ROR1: variants seen among roughly 807,000 people sequenced by gnomAD.
ROR1 encodes the protein inactive tyrosine-protein kinase transmembrane receptor ROR1.
In ROR1, 19 loss-of-function variants were observed where a neutral mutation model predicts 78.8. The ratio of observed to expected loss-of-function variants is 0.24; its 90% CI spans 0.17 to 0.35. The LOEUF (loss-of-function observed/expected upper bound fraction) is 0.35, where lower values mean the gene tolerates loss of function less well. Among genes scored for constraint, ROR1 ranks in the 10% least tolerant of loss-of-function variants. The pLI is 1.00. For synonymous variants in ROR1, 386 were observed against 433.6 expected, an observed-to-expected ratio of 0.89 and a Z score of 1.36; for missense variants, 917 against 1,177.8, an observed-to-expected ratio of 0.78 and a Z score of 3.24.
chr1:63,904,975 C>A (rs1335178920), intron 1 of ROR1, among the ~76,000 whole-genome samples: 4 of 152,124 alleles, frequency 2.6e-5, no homozygotes, highest in Admixed American at 2.6e-4. Context: ...GGATCGCACA[C>A]CCAGGCTGGT....
chr1:64,100,607 A>G (rs1647489650), intron 4 of ROR1, among the ~76,000 whole-genome samples: 1 of 152,222 alleles, frequency 6.6e-6, no homozygotes, highest in Non-Finnish European at 1.5e-5. Context: ...ATTTTGATAA[A>G]TACTCCAAGC....
intron 1 of ROR1, among the ~76,000 whole-genome samples, chr1:63,974,589 A>G (rs906346664): frequency 6.6e-6 from 1 of 151,950 alleles, no homozygotes; most frequent in Admixed American, 6.6e-5. Context: ...TAATGTGGAC[A>G]TTACTTGAAT....
intron 1 of ROR1, among the ~76,000 whole-genome samples, chr1:64,008,537 C>A (rs12060061): frequency 0.03 from 4,530 of 152,228 alleles, 254 homozygotes; most frequent in African/African-American, 0.1. Context: ...AGAAATCTCC[C>A]AACTGTTTTC....
intron 1 of ROR1, among the ~76,000 whole-genome samples, chr1:63,875,130 G>A (rs11208311): frequency 0.4 from 60,298 of 151,918 alleles, 13,149 homozygotes; most frequent in African/African-American, 0.57. Flanking sequence ...TTGACCCTAG[G>A]CAAGTTGTTT....
intron 2 of ROR1, among the ~76,000 whole-genome samples, chr1:64,018,167 AC>A (rs1013036043): frequency 2.0e-5 from 3 of 152,120 alleles, no homozygotes; most frequent in African/African-American, 7.2e-5. Flanking sequence ...CCCTGGGCCC[AC>A]AGCTTTGGTT....
At chr1:63,848,136 CTGT>C (rs1645092895) in intron 1 of ROR1, among the ~76,000 whole-genome samples, 1 of 152,190 alleles carries the variant, frequency 6.6e-6, no homozygotes, top group African/African-American at 2.4e-5. Context: ...TTGTCGCTCT[CTGT>C]TATTAATAAA....
chr1:63,988,565 A>G (rs1031152942), intron 1 of ROR1, among the ~76,000 whole-genome samples: 2 of 152,184 alleles, frequency 1.3e-5, no homozygotes, highest in African/African-American at 4.8e-5. Context: ...TGTAATCATT[A>G]CCACCATCCA....
At chr1:63,858,782 A>G (rs1645163272) in intron 1 of ROR1, among the ~76,000 whole-genome samples, 1 of 152,116 alleles carries the variant, frequency 6.6e-6, no homozygotes, top group African/African-American at 2.4e-5. Flanking sequence ...CCTATTGTTT[A>G]TGATACTTGT....
At chr1:63,779,753 G>A (rs1644639787) in intron 1 of ROR1, among the ~76,000 whole-genome samples, 1 of 152,122 alleles carries the variant, frequency 6.6e-6, no homozygotes, top group Non-Finnish European at 1.5e-5. Context: ...GCAGTGAAAC[G>A]TGGATTAATG....
At chr1:64,126,504 T>C (rs1450782751) in intron 4 of ROR1, among the ~76,000 whole-genome samples, 1 of 152,140 alleles carries the variant, frequency 6.6e-6, no homozygotes, top group East Asian at 1.9e-4. Flanking sequence ...TGGTGGGATA[T>C]TTTGAGAGCT....
intron 1 of ROR1, among the ~76,000 whole-genome samples, chr1:63,854,209 A>G (rs541462019): frequency 6.6e-6 from 1 of 152,334 alleles, no homozygotes; most frequent in Non-Finnish European, 1.5e-5. Flanking sequence ...ATATAAAAAT[A>G]TGTGACGTAT....
chr1:63,809,164 G>A (rs1644846151), intron 1 of ROR1, among the ~76,000 whole-genome samples: 1 of 152,198 alleles, frequency 6.6e-6, no homozygotes, highest in South Asian at 2.1e-4. Flanking sequence ...GGAAAAGGTA[G>A]TGTCAGGGCA....
At chr1:63,889,536 C>A (rs1395683737) in intron 1 of ROR1, among the ~76,000 whole-genome samples, 7 of 152,156 alleles carry the variant, frequency 4.6e-5, no homozygotes, top group Admixed American at 4.6e-4. Context: ...GAACGAAGTG[C>A]ATGCAACCCT....
intron 4 of ROR1, among the ~76,000 whole-genome samples, chr1:64,065,303 G>A (rs562472662): frequency 1.3e-5 from 2 of 152,308 alleles, no homozygotes; most frequent in East Asian, 3.9e-4. Context: ...TCAGACTTTG[G>A]CCAGTCTGCT....
chr1:63,958,003 A>G (rs780237715), intron 1 of ROR1, among the ~76,000 whole-genome samples: 2 of 152,114 alleles, frequency 1.3e-5, no homozygotes, highest in South Asian at 4.1e-4. Flanking sequence ...CGGCCTCTCA[A>G]AGTGCTGGGA....
intron 4 of ROR1, among the ~76,000 whole-genome samples, chr1:64,130,810 C>T (rs1569824618): frequency 1.3e-5 from 2 of 152,134 alleles, no homozygotes; most frequent in Admixed American, 6.5e-5. Flanking sequence ...AATGTAGCCC[C>T]ATTTTTATTA....
At chr1:63,928,804 G>A (rs1200225139) in intron 1 of ROR1, among the ~76,000 whole-genome samples, 1 of 152,192 alleles carries the variant, frequency 6.6e-6, no homozygotes, top group Non-Finnish European at 1.5e-5. Context: ...TCTTAGAACA[G>A]TGCCTGGCAC....
intron 8 of ROR1, among the ~76,000 whole-genome samples, chr1:64,164,686 A>G (rs547247443): frequency 6.6e-6 from 1 of 152,188 alleles, no homozygotes; most frequent in East Asian, 1.9e-4. Flanking sequence ...TGTACAGATT[A>G]TTTGATCACC....
At chr1:63,861,681 C>T (rs1028749630) in intron 1 of ROR1, among the ~76,000 whole-genome samples, 2 of 152,188 alleles carry the variant, frequency 1.3e-5, no homozygotes, top group African/African-American at 4.8e-5. Flanking sequence ...GATTGCCTTG[C>T]TGTTGGAAAC....
Sources: allele counts gnomAD v4.1 joint callset (sites outside exome capture counted in the v4.1 genomes callset), GRCh38; gene constraint gnomAD v4.1.1; transcripts MANE v1.5; gene names NCBI Gene and HGNC (gene_info 2026-07-23, HGNC 2026-07-21).